SAMD12: variants seen among roughly 807,000 people sequenced by gnomAD.
SAMD12 encodes sterile alpha motif domain containing 12.
In SAMD12, 9 loss-of-function variants were observed where a neutral mutation model predicts 15.0. That is an observed-to-expected ratio of 0.60 (90% CI 0.36 to 1.05). The LOEUF (loss-of-function observed/expected upper bound fraction) is 1.05, where lower values mean the gene tolerates loss of function less well. Among genes scored for constraint, SAMD12 ranks in the 50% least tolerant of loss-of-function variants. The probability of loss-of-function intolerance (pLI) is 0.01; values close to 1 mark genes in which losing one functional copy is unlikely to be tolerated. For synonymous variants in SAMD12, 86 were observed against 90.1 expected (o/e 0.96, Z 0.25); for missense variants, 230 against 234.2 (o/e 0.98, Z 0.12).
chr8:118,152,703 C>T, the SAMD12 span, among the ~76,000 whole-genome samples: 4 of 152,168 alleles, frequency 2.6e-5, no homozygotes, highest in South Asian at 2.1e-4. Flanking sequence ...TTCACCATGT[C>T]GCTCAGGCTG....
At chr8:118,501,589 C>T (rs538824630) in intron 2 of SAMD12, among the ~76,000 whole-genome samples, 6 of 152,304 alleles carry the variant, frequency 3.9e-5, no homozygotes, top group Admixed American at 3.3e-4. Flanking sequence ...AGCACCTTCA[C>T]CATATGTGAC....
intron 4 of SAMD12, among the ~76,000 whole-genome samples, chr8:118,272,370 A>T (rs536147894): frequency 6.6e-6 from 1 of 152,272 alleles, no homozygotes; most frequent in Admixed American, 6.5e-5. Flanking sequence ...AGCCTAGCCT[A>T]CCAAACCATG....
At chr8:118,296,913 C>T (rs1223699870) in intron 4 of SAMD12, among the ~76,000 whole-genome samples, 1 of 152,220 alleles carries the variant, frequency 6.6e-6, no homozygotes, top group African/African-American at 2.4e-5. Context: ...TAGGATACAA[C>T]AGTGTACAAA....
intron 4 of SAMD12, chr8:118,284,918 G>A (rs1463010049): frequency 6.8e-5 from 10 of 147,772 alleles, no homozygotes; most frequent in African/African-American, 2.3e-4. Context: ...CCCCAGCCTG[G>A]GTGACACAGC....
intron 4 of SAMD12, among the ~76,000 whole-genome samples, chr8:118,323,931 C>T (rs559750274): frequency 6.6e-6 from 1 of 152,200 alleles, no homozygotes; most frequent in Non-Finnish European, 1.5e-5. Context: ...ACCTCCTATA[C>T]ATACAGGTTT....
At chr8:118,580,637 G>A in intron 2 of SAMD12, 78 bp downstream of exon 2, 1 of 990,932 alleles carries the variant, frequency 1.0e-6, no homozygotes. Context: ...AGCACTATCA[G>A]CTCTTCTCTG....
the SAMD12 span, among the ~76,000 whole-genome samples, chr8:118,178,129 A>G: frequency 6.6e-6 from 1 of 152,222 alleles, no homozygotes; most frequent in Admixed American, 6.5e-5. Flanking sequence ...TTATTATTTT[A>G]TAAGAACAAA....
At chr8:118,270,786 C>T (rs1244572488) in intron 4 of SAMD12, among the ~76,000 whole-genome samples, 1 of 152,132 alleles carries the variant, frequency 6.6e-6, no homozygotes, top group Non-Finnish European at 1.5e-5. Flanking sequence ...CTAGATCATG[C>T]ATTTGATCTT....
chr8:118,242,450 T>C (rs546702664), intron 4 of SAMD12, among the ~76,000 whole-genome samples: 8 of 152,140 alleles, frequency 5.3e-5, no homozygotes, highest in Non-Finnish European at 1.0e-4. Context: ...TAAAATAAGA[T>C]ATTTTCAGAG....
intron 4 of SAMD12, among the ~76,000 whole-genome samples, chr8:118,227,221 T>C (rs559048190): frequency 7.2e-4 from 109 of 152,188 alleles, no homozygotes; most frequent in Admixed American, 2.0e-3. Context: ...TGTGAGAACA[T>C]AGATGGAGCT....
intron 2 of SAMD12, among the ~76,000 whole-genome samples, chr8:118,484,462 G>T (rs369665345): frequency 6.6e-6 from 1 of 152,066 alleles, no homozygotes; most frequent in South Asian, 2.1e-4. Flanking sequence ...AAATTAGAGC[G>T]GGCTGGCTGT....
intron 3 of SAMD12, among the ~76,000 whole-genome samples, chr8:118,432,390 T>A (rs966281734): frequency 3.9e-5 from 6 of 152,114 alleles, no homozygotes; most frequent in African/African-American, 1.4e-4. Flanking sequence ...CAATAAATAG[T>A]CCACTAGAAC....
chr8:118,511,958 G>A (rs1808413641), intron 2 of SAMD12, among the ~76,000 whole-genome samples: 1 of 152,134 alleles, frequency 6.6e-6, no homozygotes, highest in Non-Finnish European at 1.5e-5. Flanking sequence ...AATGAAATCT[G>A]CACCTCCAAC....
intron 4 of SAMD12, among the ~76,000 whole-genome samples, chr8:118,233,067 AT>A (rs532916942): frequency 6.6e-6 from 1 of 152,010 alleles, no homozygotes; most frequent in Admixed American, 6.6e-5. Context: ...GAATGAATCT[AT>A]TTTTTTTCCA....
intron 2 of SAMD12, among the ~76,000 whole-genome samples, chr8:118,535,758 T>C (rs1825821209): frequency 6.6e-6 from 1 of 152,230 alleles, no homozygotes; most frequent in Admixed American, 6.5e-5. Flanking sequence ...AGGTGCAGGA[T>C]ATCATCTCCT....
chr8:118,384,184 G>A (rs1018314341), intron 3 of SAMD12, among the ~76,000 whole-genome samples: 12 of 152,096 alleles, frequency 7.9e-5, no homozygotes, highest in African/African-American at 2.9e-4. Flanking sequence ...GGGCAGAGCA[G>A]GTGAGATAAG....
intron 2 of SAMD12, among the ~76,000 whole-genome samples, chr8:118,561,440 T>C (rs1239908427): frequency 6.6e-6 from 1 of 152,218 alleles, no homozygotes; most frequent in African/African-American, 2.4e-5. Flanking sequence ...AATAAAGACA[T>C]ACCTGAGACT....
the SAMD12 span, among the ~76,000 whole-genome samples, chr8:118,171,114 C>T: frequency 1.3e-5 from 2 of 152,132 alleles, no homozygotes; most frequent in Non-Finnish European, 2.9e-5. Context: ...AAACTAAAAT[C>T]ACGTTGAGAT....
intron 4 of SAMD12, among the ~76,000 whole-genome samples, chr8:118,230,529 G>A (rs1340812779): frequency 6.6e-6 from 1 of 152,110 alleles, no homozygotes; most frequent in African/African-American, 2.4e-5. Context: ...ATGCAGTCAG[G>A]TTTGAGCTCC....
Sources: gnomAD v4.1 joint callset for allele counts (sites outside exome capture counted in the v4.1 genomes callset) on GRCh38, gnomAD v4.1.1 for gene constraint, MANE v1.5 for transcripts, NCBI Gene and HGNC (gene_info 2026-07-23, HGNC 2026-07-21) for gene names.